The following ECD variants were observed in gnomAD, a reference collection of about 807,000 sequenced individuals.
ECD encodes protein ecdysoneless homolog.
Under a neutral mutation model 77.2 loss-of-function variants are expected in ECD, and 59 were observed. The ratio of observed to expected loss-of-function variants is 0.76; its 90% CI spans 0.62 to 0.95. ECD has a LOEUF of 0.95. Ranked by LOEUF, ECD falls within the 40% of genes least tolerant of loss-of-function variation. The pLI is 0.00. For missense variants in ECD, 704 were observed against 763.4 expected, an observed-to-expected ratio of 0.92 and a Z score of 0.92; for synonymous variants, 233 against 267.4, an observed-to-expected ratio of 0.87 and a Z score of 1.26.
intron 9 of ECD, among the ~76,000 whole-genome samples, chr10:73,140,919 C>A (rs962032608): frequency 4.0e-5 from 6 of 150,654 alleles, no homozygotes; most frequent in Non-Finnish European, 7.4e-5. Context: ...ACTAAAAATA[C>A]ATAAAAATAT....
At position 73,163,960 on chromosome 10, in the gene ECD, A is replaced by G. The variant is rs754652715; in HGVS notation, c.-13-10T>C. The G allele has an allele frequency of 1.1e-5, 18 of 1,610,738 alleles. No individual in the cohort carries two copies. Among genetic ancestry groups the G allele is most frequent in the Non-Finnish European group, 1.5e-5 (18 of 1,177,544 alleles). ...CATTCTTCTTTGAAAACTATGTTTA[A>G]AGTTCCAAAATATAAACCACATAGA... On this transcript the variant is annotated splice_polypyrimidine_tract_variant and intron_variant, in intron 1 of 13. Transcript: ENST00000372979.
At chr10:73,142,955 AC>A (rs1284649176) in intron 9 of ECD, among the ~76,000 whole-genome samples, 3 of 151,838 alleles carry the variant, frequency 2.0e-5, no homozygotes, top group Non-Finnish European at 4.4e-5. Flanking sequence ...CTACCCCTCT[AC>A]CCCACACACT....
intron 8 of ECD, among the ~76,000 whole-genome samples, chr10:73,147,931 A>G (rs943703779): frequency 6.6e-6 from 1 of 152,096 alleles, no homozygotes; most frequent in Non-Finnish European, 1.5e-5. Flanking sequence ...TTTAAGAGAA[A>G]TTTACTAGGT....
intron 9 of ECD, among the ~76,000 whole-genome samples, chr10:73,140,590 G>A (rs991447864): frequency 2.6e-5 from 4 of 152,094 alleles, no homozygotes; most frequent in African/African-American, 4.8e-5. Flanking sequence ...GCTGAGGCAG[G>A]AGAATTGCTT....
chr10:73,134,943 G>T, intron 13 of ECD, 130 bp from the exon 14 acceptor site: 1 of 771,090 alleles, frequency 1.3e-6, no homozygotes, highest in Non-Finnish European at 2.0e-6. Context: ...TCTTATCCTT[G>T]GTGATATAAA....
chr10:73,143,231 C>T (rs1358930042), intron 9 of ECD, among the ~76,000 whole-genome samples: 23 of 152,166 alleles, frequency 1.5e-4, no homozygotes. Context: ...TGCAGTGGTG[C>T]GATGTCGGCT....
At chr10:73,162,078 A>G (rs551182731) in intron 2 of ECD, among the ~76,000 whole-genome samples, 4 of 152,304 alleles carry the variant, frequency 2.6e-5, no homozygotes, top group African/African-American at 9.6e-5. Context: ...TCTATATTAG[A>G]CTTTGATTTA....
At chr10:73,141,137 C>T (rs1843050788) in intron 9 of ECD, among the ~76,000 whole-genome samples, 1 of 151,894 alleles carries the variant, frequency 6.6e-6, no homozygotes, top group Admixed American at 6.6e-5. Context: ...TTTGCAAAGT[C>T]TGTATTACCC....
intron 2 of ECD, among the ~76,000 whole-genome samples, chr10:73,162,415 CA>C (rs1843392281): frequency 6.6e-6 from 1 of 152,098 alleles, no homozygotes; most frequent in Non-Finnish European, 1.5e-5. Context: ...TGCCATTAAA[CA>C]AGATAAGAAA....
chr10:73,144,376 G>A (rs1459464592), intron 9 of ECD, among the ~76,000 whole-genome samples: 1 of 152,116 alleles, frequency 6.6e-6, no homozygotes, highest in African/African-American at 2.4e-5. Flanking sequence ...TGTAATCCCA[G>A]AACTTTGAGA....
chr10:73,159,602 T>C (rs747658993), intron 3 of ECD, among the ~76,000 whole-genome samples: 1 of 152,164 alleles, frequency 6.6e-6, no homozygotes, highest in South Asian at 2.1e-4. Context: ...TAGGTTTTAT[T>C]TGAAATCTTT....
intron 11 of ECD, among the ~76,000 whole-genome samples, chr10:73,138,342 G>C (rs767174858): frequency 2.6e-5 from 4 of 152,128 alleles, no homozygotes; most frequent in African/African-American, 4.8e-5. Flanking sequence ...CCACTCTCTA[G>C]CCCCAATAAG....
At chr10:73,158,504 G>A (rs1406169658) in intron 3 of ECD, among the ~76,000 whole-genome samples, 1 of 152,124 alleles carries the variant, frequency 6.6e-6, no homozygotes, top group Non-Finnish European at 1.5e-5. Context: ...GGGAGGCTGA[G>A]GCAGGTGGAT....
intron 9 of ECD, among the ~76,000 whole-genome samples, chr10:73,143,832 CTT>C (rs541608935): frequency 7.5e-5 from 8 of 106,684 alleles, no homozygotes; most frequent in Admixed American, 1.9e-4. Flanking sequence ...TTATAACTTG[CTT>C]TTTTTTTTTT....
chr10:73,143,785 AT>A (rs11306116), intron 9 of ECD, among the ~76,000 whole-genome samples: 108,245 of 118,970 alleles, frequency 0.91, 49,065 homozygotes, highest in East Asian at 0.98. Flanking sequence ...CATTCGTTCT[AT>A]TTTTTTTTTT....
chr10:73,156,386 A>C lies in ECD; in HGVS notation c.479T>G (p.Leu160Ter). The part of the protein sequence containing the change: ...APRKSGAESW[L>*]PTTPPTIPQA... The stretch of plus-strand genomic sequence containing the variant: ...TGGAATTGTTGGGGGTGTGGTGGGT[A>C]ACCAAGATTCTGCTCCAGATTTTCT... The change falls in exon 5 of 14, where the codon TTA becomes TGA. Residue 160 changes from leucine to a stop codon, truncating the protein, a stop_gained. Coordinates refer to ENST00000372979, the MANE Select transcript of ECD (RefSeq NM_007265.3). LOFTEE classifies it high-confidence loss of function. 6.2e-7 allele frequency: 1 copy of C among 1,613,628 alleles called. No individual in the cohort carries two copies. The highest frequency in any genetic ancestry group is 1.3e-5 in the African/African-American group (1 of 75,012).
chr10:73,142,559 G>A (rs1843072337), intron 9 of ECD, among the ~76,000 whole-genome samples: 1 of 150,932 alleles, frequency 6.6e-6, no homozygotes, highest in Non-Finnish European at 1.5e-5. Context: ...GCTTGAACCC[G>A]GGAGGTGGAG....
At chr10:73,165,431 A>C (rs1843442838) in intron 1 of ECD, among the ~76,000 whole-genome samples, 1 of 150,784 alleles carries the variant, frequency 6.6e-6, no homozygotes, top group Non-Finnish European at 1.5e-5. Context: ...AGCTCACTGC[A>C]ACCTCTGCCT....
chr10:73,148,172 C>T, intron 8 of ECD, 104 bp downstream of exon 8: 1 of 1,409,378 alleles, frequency 7.1e-7, no homozygotes, highest in Non-Finnish European at 9.5e-7. Flanking sequence ...AGTCTAGCTT[C>T]CATAATTATG....
Sources: allele counts gnomAD v4.1 joint callset (sites outside exome capture counted in the v4.1 genomes callset), GRCh38; gene constraint gnomAD v4.1.1; transcripts MANE v1.5; gene names NCBI Gene and HGNC (gene_info 2026-07-23, HGNC 2026-07-21).